FAM222B: variants seen among roughly 807,000 people sequenced by gnomAD.
The protein encoded by FAM222B is protein FAM222B.
A neutral mutation model predicts 38.0 loss-of-function variants in FAM222B; 12 were observed. That is an observed-to-expected ratio of 0.32 (90% confidence interval 0.20 to 0.51). The LOEUF (loss-of-function observed/expected upper bound fraction) is 0.51, where lower values mean the gene tolerates loss of function less well. FAM222B is among the 20% of genes least tolerant of loss of function. The pLI is 0.97. For missense variants in FAM222B, 716 were observed against 754.2 expected (o/e 0.95, Z 0.59); for synonymous variants, 329 against 317.2 (o/e 1.04, Z -0.40).
intron 1 of FAM222B, among the ~76,000 whole-genome samples, chr17:28,850,388 G>A (rs1216073338): frequency 3.3e-5 from 5 of 151,290 alleles, no homozygotes; most frequent in Non-Finnish European, 7.4e-5. Context: ...TGCAAGCCCC[G>A]CTTCCTGGGT....
rs183755219 is a variant in FAM222B at position 28,766,774 on chromosome 17, T to A, written c.-40-67A>T. On this transcript the variant is annotated intron_variant, in intron 1 of 2. Transcript: ENST00000581407. ...CATTCGAAGAAGAGAGTAGGAACAC[T>A]GGATATGACTGGCGTGAGGCCCAAG... 3.0e-5 allele frequency: 26 copies of A among 875,136 alleles called. No individual in the cohort carries two copies. In the African/African-American group the frequency reaches 4.3e-4, roughly 15 times the overall value. The allele number at this position is 875,136 out of a possible 1,614,324, so 54.2% of individuals were successfully genotyped here. A position where few individuals can be genotyped will look rare whatever the true frequency, so the allele number is the denominator to read the frequency against.
chr17:28,794,670 A>G (rs889340241), intron 1 of FAM222B, among the ~76,000 whole-genome samples: 7 of 152,220 alleles, frequency 4.6e-5, no homozygotes, highest in African/African-American at 1.7e-4. Context: ...TACTGACAGG[A>G]AAGTTTGAAG....
chr17:28,815,994 G>C (rs79614251), intron 1 of FAM222B, among the ~76,000 whole-genome samples: 3 of 148,222 alleles, frequency 2.0e-5, no homozygotes, highest in African/African-American at 7.5e-5. Context: ...ATTAAGGCAC[G>C]GCATGGTAGC....
At chr17:28,793,801 A>G (rs1332943953) in intron 1 of FAM222B, among the ~76,000 whole-genome samples, 1 of 147,630 alleles carries the variant, frequency 6.8e-6, no homozygotes, top group Non-Finnish European at 1.5e-5. Flanking sequence ...GCTGGAGTGC[A>G]ATGGTGCGAT....
chr17:28,770,281 T>C (rs2035561381), intron 1 of FAM222B, among the ~76,000 whole-genome samples: 2 of 152,190 alleles, frequency 1.3e-5, no homozygotes, highest in Admixed American at 6.5e-5. Flanking sequence ...AAAAGGCAGA[T>C]TGTTATTAAT....
chr17:28,770,568 AAT>A (rs200413576), intron 1 of FAM222B, among the ~76,000 whole-genome samples: 213 of 140,290 alleles, frequency 1.5e-3, no homozygotes, highest in Middle Eastern at 3.7e-3. Context: ...ATGCCCAGCT[AAT>A]ATTTTTTTTT....
At chr17:28,809,671 C>A (rs2037652523) in intron 1 of FAM222B, among the ~76,000 whole-genome samples, 1 of 151,954 alleles carries the variant, frequency 6.6e-6, no homozygotes, top group Admixed American at 6.6e-5. Flanking sequence ...ACAAATCAGT[C>A]AAAAAAATAG....
intron 1 of FAM222B, among the ~76,000 whole-genome samples, chr17:28,810,237 A>G (rs1322240084): frequency 6.6e-6 from 1 of 151,948 alleles, no homozygotes; most frequent in East Asian, 1.9e-4. Context: ...TGATCCACCC[A>G]CCTCAGCCTC....
intron 1 of FAM222B, among the ~76,000 whole-genome samples, chr17:28,839,908 C>T (rs568488842): frequency 6.6e-6 from 1 of 151,416 alleles, no homozygotes; most frequent in South Asian, 2.1e-4. Flanking sequence ...ATTCACTCCC[C>T]TTATTTGTGA....
At chr17:28,775,005 T>TA (rs2035816410) in intron 1 of FAM222B, among the ~76,000 whole-genome samples, 1 of 145,198 alleles carries the variant, frequency 6.9e-6, no homozygotes, top group South Asian at 2.2e-4. Context: ...TCAGCTGTAT[T>TA]TTTTTTTTTT....
intron 1 of FAM222B, among the ~76,000 whole-genome samples, chr17:28,851,902 A>G (rs1186069369): frequency 6.6e-6 from 1 of 150,986 alleles, no homozygotes; most frequent in African/African-American, 2.4e-5. Flanking sequence ...AAAAACAGAA[A>G]TTAGCTGGGC....
chr17:28,854,926 G>C (rs1396336019), intron 1 of FAM222B: 20 of 1,276,498 alleles, frequency 1.6e-5, no homozygotes, highest in Non-Finnish European at 1.8e-5. Context: ...CATGTGTCTC[G>C]GCTTTCAATT....
chr17:28,789,442 C>T (rs75551963), intron 1 of FAM222B, among the ~76,000 whole-genome samples: 4,606 of 152,236 alleles, frequency 0.03, 112 homozygotes, highest in Middle Eastern at 0.11. Context: ...ATCCACCTGC[C>T]TCGGCCCCCC....
At chr17:28,770,846 G>A (rs977991832) in intron 1 of FAM222B, among the ~76,000 whole-genome samples, 4 of 151,790 alleles carry the variant, frequency 2.6e-5, no homozygotes, top group Admixed American at 6.6e-5. Context: ...CTGGGATTAC[G>A]GCGTGAACCA....
At chr17:28,812,337 G>A (rs1370878973) in intron 1 of FAM222B, 1 of 152,326 alleles carries the variant, frequency 6.6e-6, no homozygotes, top group Non-Finnish European at 1.5e-5. Context: ...GGGGCTTCTA[G>A]CGGTCTAGGC....
chr17:28,844,455 C>T, upstream of FAM222B, among the ~76,000 whole-genome samples: 1 of 151,334 alleles, frequency 6.6e-6, no homozygotes, highest in East Asian at 2.0e-4. Context: ...GTCAGGAGAT[C>T]GAGACCATCC....
Position 28,842,664 on chromosome 17 carries a change from C to G in FAM222B, c.-41+18G>C, listed in dbSNP as rs1366300553. 1 of 153,304 alleles carries G rather than the reference C, an allele frequency of 6.5e-6. No individual in the cohort carries two copies. The highest frequency in any genetic ancestry group is 2.4e-5 in the African/African-American group (1 of 41,592). 9.5% of individuals were successfully genotyped at this position (153,304 alleles called of 1,614,324 possible). A position where few individuals can be genotyped will look rare whatever the true frequency, so the allele number is the denominator to read the frequency against. ...CCTCTTCCCACGCGTTGTCCACTCCCCCTCCACCACTACTCACGGTCGGTG... is the reference window on the plus strand; with the variant it reads ...CCTCTTCCCACGCGTTGTCCACTCCGCCTCCACCACTACTCACGGTCGGTG... On this transcript the variant is annotated intron_variant, in intron 1 of 2. Transcript: ENST00000581407.
At chr17:28,854,905 C>T (rs2039216407) in intron 1 of FAM222B, 2 of 994,454 alleles carry the variant, frequency 2.0e-6, no homozygotes, top group Non-Finnish European at 2.9e-6. Context: ...TTCCTCCTCC[C>T]GCCCACATCC....
rs1462043435 is a variant in FAM222B, at chr17:28,757,675, C to G, written c.*595G>C. The G allele has an allele frequency of 6.6e-6, 1 of 152,030 alleles. No homozygotes were observed. The highest frequency in any genetic ancestry group is 1.5e-5 in the Non-Finnish European group (1 of 68,022). 9.4% of individuals were successfully genotyped at this position (152,030 alleles called of 1,614,324 possible). On this transcript the variant is annotated 3_prime_UTR_variant, in exon 3 of 3. Coordinates refer to ENST00000581407, the MANE Select transcript of FAM222B (RefSeq NM_001077498.3). ...AAGATGCCCTTGAGATCAAGTGTGG[C>G]AAGGGCAAGTGCAGTGGCTGTGGGA...
Sources: allele counts gnomAD v4.1 joint callset (sites outside exome capture counted in the v4.1 genomes callset), GRCh38; gene constraint gnomAD v4.1.1; transcripts MANE v1.5; gene names NCBI Gene and HGNC (gene_info 2026-07-23, HGNC 2026-07-21).